Variants in PPM1E observed in about 807,000 individuals in gnomAD.
PPM1E encodes the protein protein phosphatase 1E.
A neutral mutation model predicts 65.9 loss-of-function variants in PPM1E; 20 were observed. The ratio of observed to expected loss-of-function variants is 0.30; its 90% CI spans 0.21 to 0.44. The LOEUF is 0.44. PPM1E is among the 20% of genes least tolerant of loss of function. The pLI is 1.00. For synonymous variants in PPM1E, 352 were observed against 374.9 expected, an observed-to-expected ratio of 0.94 and a Z score of 0.70; for missense variants, 713 against 953.1, an observed-to-expected ratio of 0.75 and a Z score of 3.32.
intron 1 of PPM1E, among the ~76,000 whole-genome samples, chr17:58,884,412 G>A (rs1447221235): frequency 6.6e-6 from 1 of 152,114 alleles, no homozygotes; most frequent in Non-Finnish European, 1.5e-5. Flanking sequence ...GGTCGGCTAA[G>A]TCAGTTACCA....
In PPM1E at chr17:58,792,738, T is replaced by C. The variant is rs1297388753; in HGVS notation, c.464+36277T>C. On this transcript the variant is annotated intron_variant, in intron 1 of 6. Transcript: ENST00000308249. ...GTTATTATTTTATTTTATAAGAATT[T>C]TACTCTTTTTTTTTTTTTTTTTTTT... Among the ~76,000 whole-genome samples, 13 of 145,404 alleles carry C rather than the reference T, an allele frequency of 8.9e-5. 1 individual carries two copies. In the Admixed American group the frequency reaches 9.2e-4, roughly 10 times the overall value.
At chr17:58,833,758 C>T (rs544521066) in intron 1 of PPM1E, among the ~76,000 whole-genome samples, 4 of 152,070 alleles carry the variant, frequency 2.6e-5, no homozygotes, top group South Asian at 2.1e-4. Context: ...TATGGGTAAT[C>T]GGATTCCTGG....
intron 1 of PPM1E, among the ~76,000 whole-genome samples, chr17:58,760,967 A>G (rs1249263060): frequency 1.3e-5 from 2 of 152,228 alleles, no homozygotes; most frequent in African/African-American, 4.8e-5. Context: ...TTCTCAGGGA[A>G]TATACCTTCC....
intron 1 of PPM1E, among the ~76,000 whole-genome samples, chr17:58,946,287 G>A (rs990773327): frequency 7.9e-5 from 12 of 152,154 alleles, no homozygotes; most frequent in African/African-American, 2.7e-4. Flanking sequence ...AACCAAGGCG[G>A]AGGACAAATA....
At chr17:58,827,590 G>T (rs1387350845) in intron 1 of PPM1E, among the ~76,000 whole-genome samples, 1 of 151,906 alleles carries the variant, frequency 6.6e-6, no homozygotes, top group Non-Finnish European at 1.5e-5. Context: ...TGGGACATGA[G>T]AACCTATAAA....
At chr17:58,902,157 T>A (rs1013721526) in intron 1 of PPM1E, among the ~76,000 whole-genome samples, 1 of 151,688 alleles carries the variant, frequency 6.6e-6, no homozygotes, top group African/African-American at 2.4e-5. Flanking sequence ...GAGAAAAAAT[T>A]AAAAAAAATA....
At chr17:58,877,475 C>CA (rs774390474) in intron 1 of PPM1E, among the ~76,000 whole-genome samples, 1 of 152,154 alleles carries the variant, frequency 6.6e-6, no homozygotes, top group Non-Finnish European at 1.5e-5. Context: ...TCCATATTTA[C>CA]AAAAAACCCT....
chr17:58,957,442 T>G (rs2029893592), intron 2 of PPM1E, among the ~76,000 whole-genome samples: 1 of 152,222 alleles, frequency 6.6e-6, no homozygotes, highest in South Asian at 2.1e-4. Context: ...TTCTGATTTT[T>G]TATTTTTCCA....
intron 1 of PPM1E, among the ~76,000 whole-genome samples, chr17:58,881,506 A>G (rs139731213): frequency 0.18 from 27,975 of 151,932 alleles, 2,735 homozygotes; most frequent in Non-Finnish European, 0.21. Context: ...TACTAAAAAT[A>G]CAAAAAATTA....
At chr17:58,944,326 G>T (rs1404672791) in intron 1 of PPM1E, among the ~76,000 whole-genome samples, 1 of 152,074 alleles carries the variant, frequency 6.6e-6, no homozygotes, top group African/African-American at 2.4e-5. Flanking sequence ...AGGTTTCTTT[G>T]TTCCTTCTCT....
In PPM1E at chr17:58,860,397, TG is replaced by T. The variant is rs1567855944; in HGVS notation, c.465-95251del. Among the ~76,000 whole-genome samples the T allele has an allele frequency of 2.0e-5, 3 of 152,300 alleles. No individual in the cohort carries two copies. The South Asian group carries it at 6.2e-4, about 32-fold the overall frequency. Reference sequence around the variant, plus strand: ...GTCAGTTTTTTGTAATATAATGGTGTGCATACAGTATTCCTTAGTTTTCCAT... The same window carrying T: ...GTCAGTTTTTTGTAATATAATGGTGTCATACAGTATTCCTTAGTTTTCCAT... On this transcript the variant is annotated intron_variant, in intron 1 of 6. Coordinates refer to ENST00000308249, the MANE Select transcript of PPM1E (RefSeq NM_014906.5).
intron 1 of PPM1E, among the ~76,000 whole-genome samples, chr17:58,869,637 CAAAT>C (rs1247064298): frequency 6.6e-6 from 1 of 152,136 alleles, no homozygotes; most frequent in Non-Finnish European, 1.5e-5. Flanking sequence ...AATTGTGAAC[CAAAT>C]AAACCTCTTT....
chr17:58,855,128 A>T (rs897199732), intron 1 of PPM1E, among the ~76,000 whole-genome samples: 8 of 152,240 alleles, frequency 5.3e-5, no homozygotes, highest in Admixed American at 3.9e-4. Flanking sequence ...CACAGTGAAT[A>T]TGCGAGAAAA....
intron 1 of PPM1E, among the ~76,000 whole-genome samples, chr17:58,831,230 T>G (rs1598598852): frequency 6.6e-6 from 1 of 152,086 alleles, no homozygotes; most frequent in East Asian, 1.9e-4. Context: ...CAGGATGGTC[T>G]TGATTTCCTG....
rs114879009 is a variant in PPM1E, at chr17:58,948,596, C to G, written c.465-7053C>G. Among the ~76,000 whole-genome samples the G allele has an allele frequency of 2.7e-3, 408 of 152,232 alleles. 1 individual carries two copies. Among genetic ancestry groups the G allele is most frequent in the African/African-American group, 9.5e-3 (393 of 41,516 alleles). ...AAAAAGAAAATGTTTAACGCTGGAG[C>G]CTTATGGTCACAGAAAGTTTTTAAA... On this transcript the variant is annotated intron_variant, in intron 1 of 6. Coordinates refer to ENST00000308249, the MANE Select transcript of PPM1E (RefSeq NM_014906.5).
chr17:58,783,508 G>A (rs768178835), intron 1 of PPM1E, among the ~76,000 whole-genome samples: 1 of 152,122 alleles, frequency 6.6e-6, no homozygotes, highest in Non-Finnish European at 1.5e-5. Flanking sequence ...CCAGATTTAG[G>A]TACTACCTTT....
intron 1 of PPM1E, among the ~76,000 whole-genome samples, chr17:58,802,420 C>G (rs2050267662): frequency 6.6e-6 from 1 of 152,098 alleles, no homozygotes; most frequent in Non-Finnish European, 1.5e-5. Flanking sequence ...TGCCATACTG[C>G]TTTGATTACT....
chr17:58,805,878 G>T (rs2050300230), intron 1 of PPM1E, among the ~76,000 whole-genome samples: 1 of 139,336 alleles, frequency 7.2e-6, no homozygotes, highest in African/African-American at 2.7e-5. Flanking sequence ...AGCCTAAAAT[G>T]TATGATTTGT....
chr17:58,829,736 T>G (rs2050579341), intron 1 of PPM1E, among the ~76,000 whole-genome samples: 1 of 152,164 alleles, frequency 6.6e-6, no homozygotes, highest in Admixed American at 6.5e-5. Context: ...TATAAAAGAT[T>G]CATGGTTAGA....
Sources: gnomAD v4.1 joint callset for allele counts (sites outside exome capture counted in the v4.1 genomes callset) on GRCh38, gnomAD v4.1.1 for gene constraint, MANE v1.5 for transcripts, NCBI Gene and HGNC (gene_info 2026-07-23, HGNC 2026-07-21) for gene names.